The following SNX20 variants were observed in gnomAD, a reference collection of about 807,000 sequenced individuals.
SNX20 encodes the protein sorting nexin 20.
Under a neutral mutation model 24.5 loss-of-function variants are expected in SNX20, and 21 were observed. The ratio of observed to expected loss-of-function variants is 0.86; its 90% CI spans 0.61 to 1.23. The LOEUF (loss-of-function observed/expected upper bound fraction) is 1.23, where lower values mean the gene tolerates loss of function less well. SNX20 is among the 50% of genes most tolerant of loss of function. The probability of loss-of-function intolerance (pLI) is 0.00; values close to 1 mark genes in which losing one functional copy is unlikely to be tolerated. For missense variants in SNX20, 433 were observed against 430.8 expected (o/e 1.00, Z -0.04); for synonymous variants, 206 against 192.8 (o/e 1.07, Z -0.57).
At chr16:50,677,585 C>T (rs1316984416) in intron 1 of SNX20, 50 bp from the exon 2 acceptor site, 28 of 1,444,144 alleles carry the variant, frequency 1.9e-5, no homozygotes, top group Admixed American at 4.5e-5. Flanking sequence ...TTGGGGTTCC[C>T]GGTGGCTCCT....
In SNX20 at chr16:50,672,175, C is replaced by T. The variant is rs540330078; in HGVS notation, c.*1231G>A. 2 of 152,322 alleles carry T rather than the reference C, an allele frequency of 1.3e-5. No homozygotes were observed. Among genetic ancestry groups the T allele is most frequent in the Non-Finnish European group, 2.9e-5 (2 of 68,040 alleles). 9.4% of individuals were successfully genotyped at this position (152,322 alleles called of 1,614,324 possible). A position where few individuals can be genotyped will look rare whatever the true frequency, so the allele number is the denominator to read the frequency against. ...GACCTCAGTTAAGGGCATCCCAGTCCATCAGAGAAGTTCCAGGATCACAGA... is the reference window on the plus strand; with the variant it reads ...GACCTCAGTTAAGGGCATCCCAGTCTATCAGAGAAGTTCCAGGATCACAGA... On this transcript the variant is annotated 3_prime_UTR_variant, in exon 4 of 4. Coordinates refer to ENST00000330943, the MANE Select transcript of SNX20 (RefSeq NM_182854.4).
chr16:50,673,291 A>C lies in SNX20; in HGVS notation c.*115T>G. ...ACTTCAGTCTGGGTGACAGAGCAAGACTGTCTCAAATAACAAAAAAGAAAA... is the reference window on the plus strand; with the variant it reads ...ACTTCAGTCTGGGTGACAGAGCAAGCCTGTCTCAAATAACAAAAAAGAAAA... On this transcript the variant is annotated 3_prime_UTR_variant, in exon 4 of 4. Transcript: ENST00000330943. This position sits in a 1 kb window ranked among gnomAD's most constrained non-coding sequence, Gnocchi z 4.1. 1 of 1,379,354 alleles carries C rather than the reference A, an allele frequency of 7.2e-7. No individual in the cohort carries two copies. Among genetic ancestry groups the C allele is most frequent in the South Asian group, 1.8e-5 (1 of 56,304 alleles). 85.4% of individuals were successfully genotyped at this position (1,379,354 alleles called of 1,614,324 possible).
At chr16:50,674,445 G>A (rs948408160) in intron 3 of SNX20, among the ~76,000 whole-genome samples, 1 of 151,886 alleles carries the variant, frequency 6.6e-6, no homozygotes, top group Admixed American at 6.6e-5. Context: ...ATGGGGTCTG[G>A]CTGTGTTGCC....
At chr16:50,668,936 C>T, downstream of SNX20, 1 of 1,491,686 alleles carries the variant, frequency 6.7e-7, no homozygotes. Context: ...AGGCTAGCGG[C>T]CCTGCCCAGG....
exon 4 of SNX20, chr16:50,666,549 C>T (rs1962920598): frequency 1.3e-5 from 2 of 152,136 alleles, no homozygotes; most frequent in Non-Finnish European, 2.9e-5. Context: ...ACAATGAAAC[C>T]ATTAAACATA....
At chr16:50,680,812 G>A (rs891630464) in intron 1 of SNX20, among the ~76,000 whole-genome samples, 24 of 152,220 alleles carry the variant, frequency 1.6e-4, no homozygotes, top group African/African-American at 4.8e-4. Context: ...CCAAGAGCAG[G>A]TTTCCTGGCT....
chr16:50,677,613 T>C (rs1963214243), intron 1 of SNX20, 78 bp from the exon 2 acceptor site: 1 of 1,338,248 alleles, frequency 7.5e-7, no homozygotes, highest in Non-Finnish European at 9.8e-7. Context: ...CTAGGAGCTG[T>C]GTCATGCCCC....
At position 50,675,888 on chromosome 16, in the gene SNX20, A is replaced by G. The variant is rs1035488133; in HGVS notation, c.164T>C (p.Met55Thr). ...GTACTGCTGAAGCTCCCGCGTGGTC[A>G]TGCTGGAGTTGGAGCTCAGGCCACT... Reference protein sequence around the residue: ...THSGLSSNSSMTTRELQQYWQ... With the variant: ...THSGLSSNSSTTTRELQQYWQ... Residue 55 changes from methionine (M) to threonine (T), a missense_variant, in exon 3 of 4, where the codon ATG (methionine) becomes ACG (threonine). Transcript: ENST00000330943. 6.2e-7 allele frequency: 1 copy of G among 1,611,542 alleles called. No homozygotes were observed. Among genetic ancestry groups the G allele is most frequent in the Admixed American group, 1.7e-5 (1 of 59,108 alleles).
At chr16:50,668,696 T>G (rs77221001), downstream of SNX20, 8 of 1,064,658 alleles carry the variant, frequency 7.5e-6, no homozygotes, top group Non-Finnish European at 7.9e-6. Context: ...CAGGAAGCAT[T>G]TGGAGACGTG....
downstream of SNX20, chr16:50,667,940 G>T (rs1011659621): frequency 3.6e-6 from 5 of 1,401,230 alleles, no homozygotes; most frequent in South Asian, 2.5e-5. Context: ...GGTAGGGGGG[G>T]ACCCACTCAA....
At chr16:50,667,644 C>A, downstream of SNX20, 1 of 282,798 alleles carries the variant, frequency 3.5e-6, no homozygotes, top group Non-Finnish European at 6.9e-6. Flanking sequence ...GATCAAGGTT[C>A]CCAACACCAA....
At chr16:50,667,868 C>A (rs944703006), downstream of SNX20, 8 of 771,980 alleles carry the variant, frequency 1.0e-5, no homozygotes, top group Non-Finnish European at 1.7e-5. Flanking sequence ...GAGGGCTCGG[C>A]GTGGGGACTT....
At chr16:50,667,306 TG>T (rs940748393), downstream of SNX20, 4 of 153,226 alleles carry the variant, frequency 2.6e-5, no homozygotes, top group Non-Finnish European at 5.8e-5. Flanking sequence ...CCGAGGGTGG[TG>T]GGGGGGTAGT....
At chr16:50,667,803 A>G, downstream of SNX20, 2 of 611,588 alleles carry the variant, frequency 3.3e-6, no homozygotes, top group South Asian at 1.9e-5. Flanking sequence ...TCTGCCCTGA[A>G]CTGTGCCTCC....
downstream of SNX20, chr16:50,671,360 T>C (rs1963046654): frequency 1.3e-5 from 2 of 152,116 alleles, no homozygotes; most frequent in African/African-American, 2.4e-5. Context: ...CCGCTTGCAG[T>C]TCAAATTCTC....
At chr16:50,670,420 G>C (rs1426895509), downstream of SNX20, 1 of 152,216 alleles carries the variant, frequency 6.6e-6, no homozygotes, top group Non-Finnish European at 1.5e-5. Flanking sequence ...GAAATTCTGT[G>C]TTCCTAACAA....
At chr16:50,669,161 G>C (rs959895430), downstream of SNX20, 1 of 1,146,752 alleles carries the variant, frequency 8.7e-7, no homozygotes, top group African/African-American at 1.5e-5. Context: ...GTAAACAGAG[G>C]TGAGTGAAAT....
At chr16:50,671,104 A>G (rs1349846447), downstream of SNX20, 1 of 114,492 alleles carries the variant, frequency 8.7e-6, no homozygotes, top group South Asian at 2.8e-4. Flanking sequence ...CACACATATC[A>G]TCTATCTGTG....
downstream of SNX20, chr16:50,667,451 C>T (rs1367284806): frequency 1.3e-5 from 2 of 154,812 alleles, no homozygotes; most frequent in East Asian, 3.8e-4. Context: ...TCCCTGACCA[C>T]CTGGCTGAGG....
Sources: allele counts gnomAD v4.1 joint callset (sites outside exome capture counted in the v4.1 genomes callset), GRCh38; gene constraint gnomAD v4.1.1; non-coding constraint Gnocchi (gnomAD v3.1); transcripts MANE v1.5; gene names NCBI Gene and HGNC (gene_info 2026-07-23, HGNC 2026-07-21).